NHS: variants seen among roughly 807,000 people sequenced by gnomAD.
The protein encoded by NHS is NHS actin remodeling regulator.
NHS carries 5 observed loss-of-function variants against 72.5 expected under a neutral mutation model. The observed-to-expected ratio is 0.07, with a 90% confidence interval of 0.04 to 0.14. The LOEUF is 0.14. Among genes scored for constraint, NHS ranks in the 10% least tolerant of loss-of-function variants. NHS has a pLI of 1.00. For synonymous variants in NHS, 464 were observed against 547.7 expected (o/e 0.85, Z 2.13); for missense variants, 1,072 against 1,355.7 (o/e 0.79, Z 3.29).
Position 17,728,549 on chromosome X carries a change from C to CTGTTTGTT in NHS, c.4223-79_4223-72dup, listed in dbSNP as rs10643465. 1.4e-3 allele frequency: 1,462 copies of CTGTTTGTT among 1,060,920 alleles called. 18 individuals carry two copies. In the African/African-American group the frequency reaches 0.026, roughly 19 times the overall value. The allele number at this position is 1,060,920 out of a possible 1,213,427, so 87.4% of individuals were successfully genotyped here. ...TTAAAAAATGGCAGCAAGGTAATTT[C>CTGTTTGTT]TGTTTGTTTGTTTGTTTGTTTGTTT... On this transcript the variant is annotated intron_variant, in intron 7 of 8. Transcript: ENST00000676302.
At chrX:17,493,839 G>T (rs2065001266) in intron 1 of NHS, among the ~76,000 whole-genome samples, 1 of 111,101 alleles carries the variant, frequency 9.0e-6, no homozygotes. Context: ...GCAAGGGAGA[G>T]AATGACAACC....
chrX:17,390,512 T>C (rs59308713), intron 1 of NHS, among the ~76,000 whole-genome samples: 8,822 of 110,607 alleles, frequency 0.08, 346 homozygotes, highest in East Asian at 0.19. Context: ...TCCTTTTCCA[T>C]GTGAGAAGTC....
chrX:17,654,081 C>A (rs867095137), intron 1 of NHS, among the ~76,000 whole-genome samples: 2 of 99,541 alleles, frequency 2.0e-5, no homozygotes, highest in East Asian at 6.5e-4. Context: ...CCCTTGGCAG[C>A]AGAACTCCTC....
intron 3 of NHS, among the ~76,000 whole-genome samples, chrX:17,718,240 G>A (rs1004474249): frequency 9.4e-6 from 1 of 106,699 alleles, no homozygotes; most frequent in African/African-American, 3.4e-5. Context: ...AAGTGGTGGA[G>A]GCAGGATTTG....
intron 1 of NHS, among the ~76,000 whole-genome samples, chrX:17,464,747 C>T (rs188919585): frequency 1.8e-5 from 2 of 112,426 alleles, no homozygotes; most frequent in African/African-American, 3.2e-5. Flanking sequence ...AGCTTTCATC[C>T]TCCCTTTGTC....
At chrX:17,641,496 T>C (rs1716592674) in intron 1 of NHS, among the ~76,000 whole-genome samples, 1 of 112,082 alleles carries the variant, frequency 8.9e-6, no homozygotes, top group Non-Finnish European at 1.9e-5. Context: ...TGGTCCAACA[T>C]ATCACGCTGA....
intron 1 of NHS, among the ~76,000 whole-genome samples, chrX:17,531,593 G>C (rs1223007663): frequency 8.9e-6 from 1 of 112,849 alleles, no homozygotes; most frequent in African/African-American, 3.2e-5. Flanking sequence ...CACTGCTTCA[G>C]CTCTTTCTGT....
At chrX:17,483,461 T>A (rs1023825974) in intron 1 of NHS, among the ~76,000 whole-genome samples, 1 of 112,241 alleles carries the variant, frequency 8.9e-6, no homozygotes, top group Non-Finnish European at 1.9e-5. Flanking sequence ...CGTGGTTTGT[T>A]ACTTTCACTT....
Position 17,727,212 on chromosome X carries a change from T to C in NHS, c.3106T>C (p.Phe1036Leu). 23 of 1,211,993 alleles carry C rather than the reference T, an allele frequency of 1.9e-5. No homozygotes were observed. The highest frequency in any genetic ancestry group is 2.5e-5 in the Non-Finnish European group (22 of 895,532). The change falls in exon 7 of 9, where the codon TTC becomes CTC. Residue 1036 changes from phenylalanine to leucine, a missense_variant. Physicochemically the swap from Phe to Leu is conservative, Grantham distance 22. Coordinates refer to ENST00000676302, the MANE Select transcript of NHS (RefSeq NM_001291867.2). ...CCAGTCTGAAACGCCAACATCCTCT[T>C]TCCCTACAGCTTTCTTTTCAGGTCC... Reference protein sequence around the residue: ...SSQSETPTSSFPTAFFSGPLS... With the variant: ...SSQSETPTSSLPTAFFSGPLS...
chrX:17,705,856 G>A (rs1002940644), intron 3 of NHS, among the ~76,000 whole-genome samples: 22 of 111,806 alleles, frequency 2.0e-4, no homozygotes, highest in African/African-American at 6.2e-4. Context: ...AACCCCAATT[G>A]AAGGACATTC....
intron 1 of NHS, among the ~76,000 whole-genome samples, chrX:17,470,616 C>T (rs1181452555): frequency 9.0e-6 from 1 of 111,587 alleles, no homozygotes; most frequent in Non-Finnish European, 1.9e-5. Context: ...GGTCTCTTTA[C>T]CTGCTCGCTG....
intron 1 of NHS, among the ~76,000 whole-genome samples, chrX:17,602,837 T>G (rs2065658584): frequency 1.0e-5 from 1 of 99,733 alleles, no homozygotes; most frequent in Non-Finnish European, 2.0e-5. Flanking sequence ...AACTACAATT[T>G]TTTTTTTTTT....
intron 1 of NHS, among the ~76,000 whole-genome samples, chrX:17,655,362 G>A (rs1207430683): frequency 8.9e-6 from 1 of 112,019 alleles, no homozygotes; most frequent in Non-Finnish European, 1.9e-5. Context: ...CAGCCCCAGC[G>A]GTCGCGCTAC....
intron 1 of NHS, among the ~76,000 whole-genome samples, chrX:17,483,359 G>A (rs979000211): frequency 8.9e-6 from 1 of 112,154 alleles, no homozygotes; most frequent in Admixed American, 9.5e-5. Context: ...TAGTGGTGGT[G>A]TAAATAATAT....
intron 1 of NHS, among the ~76,000 whole-genome samples, chrX:17,427,732 C>T (rs1261286814): frequency 8.9e-6 from 1 of 112,832 alleles, no homozygotes; most frequent in Non-Finnish European, 1.9e-5. Flanking sequence ...AGACTGCCAG[C>T]TGTGACCCAC....
intron 1 of NHS, among the ~76,000 whole-genome samples, chrX:17,396,215 CATTTGTGAGT>C (rs756026280): frequency 3.4e-4 from 38 of 111,986 alleles, no homozygotes; most frequent in Non-Finnish European, 7.0e-4. Flanking sequence ...ATACATTTTA[CATTTGTGAGT>C]CAGTAGACAC....
chrX:17,476,477 C>T (rs1449923599), intron 1 of NHS, among the ~76,000 whole-genome samples: 1 of 111,626 alleles, frequency 9.0e-6, no homozygotes, highest in Non-Finnish European at 1.9e-5. Flanking sequence ...AAAATGTTTG[C>T]TCCATATGTA....
chrX:17,642,031 C>T (rs998501224), intron 1 of NHS, among the ~76,000 whole-genome samples: 4 of 111,429 alleles, frequency 3.6e-5, no homozygotes, highest in African/African-American at 6.5e-5. Flanking sequence ...CTGCAACCTC[C>T]GCCTCCTGGG....
chrX:17,657,079 C>T (rs988546553), intron 1 of NHS, among the ~76,000 whole-genome samples: 1 of 112,849 alleles, frequency 8.9e-6, no homozygotes. Context: ...TCGCCCCCAC[C>T]TCTCTGGCGC....
Sources: allele counts gnomAD v4.1 joint callset (sites outside exome capture counted in the v4.1 genomes callset), GRCh38; gene constraint gnomAD v4.1.1; transcripts MANE v1.5; gene names NCBI Gene and HGNC (gene_info 2026-07-23, HGNC 2026-07-21).